The following PCDHA7 variants were observed in gnomAD, a reference collection of about 807,000 sequenced individuals.
The protein encoded by PCDHA7 is protocadherin alpha 7, also known as protocadherin alpha-7.
In PCDHA7, 37 loss-of-function variants were observed where a neutral mutation model predicts 57.2. The ratio of observed to expected loss-of-function variants is 0.65; its 90% confidence interval spans 0.50 to 0.85. The LOEUF is 0.85. Ranked by LOEUF, PCDHA7 falls within the 40% of genes least tolerant of loss-of-function variation. The pLI is 0.00. For missense variants in PCDHA7, 1,188 were observed against 1,241.8 expected, an observed-to-expected ratio of 0.96 and a Z score of 0.65; for synonymous variants, 553 against 558.8, an observed-to-expected ratio of 0.99 and a Z score of 0.15.
intron 1 of PCDHA7, chr5:140,870,093 A>G (rs1554163808): frequency 6.8e-6 from 11 of 1,613,930 alleles, no homozygotes; most frequent in Non-Finnish European, 9.3e-6. Context: ...CCCCAATGGC[A>G]GGTCACTGTA....
At chr5:140,966,395 T>A in intron 1 of PCDHA7, 1 of 404,602 alleles carries the variant, frequency 2.5e-6, no homozygotes, top group Non-Finnish European at 4.3e-6. Flanking sequence ...GTCCGCCACT[T>A]CGGCGCGGAA....
At chr5:140,980,849 C>A (rs2096908252) in intron 2 of PCDHA7, among the ~76,000 whole-genome samples, 1 of 152,068 alleles carries the variant, frequency 6.6e-6, no homozygotes, top group Admixed American at 6.6e-5. Context: ...TAATACTAAT[C>A]TTTTTCGTAT....
intron 1 of PCDHA7, among the ~76,000 whole-genome samples, chr5:140,846,400 A>T (rs1581110513): frequency 9.9e-6 from 1 of 101,082 alleles, no homozygotes; most frequent in Non-Finnish European, 1.8e-5. Flanking sequence ...TTTGAGACGG[A>T]GTCTCGCTCT....
intron 1 of PCDHA7, chr5:140,870,454 G>A (rs782508076): frequency 6.2e-7 from 1 of 1,614,236 alleles, no homozygotes; most frequent in African/African-American, 1.3e-5. Flanking sequence ...GAACGACAAT[G>A]CGCCTGCGTT....
At chr5:140,842,366 G>C in intron 1 of PCDHA7, 1 of 1,608,006 alleles carries the variant, frequency 6.2e-7, no homozygotes, top group Non-Finnish European at 8.5e-7. Flanking sequence ...TAACGTCCCT[G>C]AGATAGCACT....
chr5:140,852,974 G>T (rs1554146261), intron 1 of PCDHA7: 2 of 368,228 alleles, frequency 5.4e-6, no homozygotes, highest in East Asian at 1.6e-4. Context: ...CCCCTCCCGT[G>T]TTCACGCCAT....
intron 3 of PCDHA7, among the ~76,000 whole-genome samples, chr5:140,992,004 G>A (rs1165725360): frequency 2.0e-5 from 3 of 147,598 alleles, no homozygotes; most frequent in Non-Finnish European, 3.0e-5. Context: ...TTCATGTTCA[G>A]GCAGAGGTGG....
intron 1 of PCDHA7, chr5:140,849,696 T>C (rs2150445431): frequency 6.3e-7 from 1 of 1,598,686 alleles, no homozygotes; most frequent in South Asian, 1.1e-5. Context: ...GGTGTCCACC[T>C]ACAAGAATTA....
At chr5:140,919,610 T>G (rs1173177727) in intron 1 of PCDHA7, among the ~76,000 whole-genome samples, 1 of 152,216 alleles carries the variant, frequency 6.6e-6, no homozygotes, top group Non-Finnish European at 1.5e-5. Flanking sequence ...AATTTTAAAC[T>G]GTATCTTTTG....
chr5:140,863,538 T>C (rs187152479), intron 1 of PCDHA7: 1 of 386,422 alleles, frequency 2.6e-6, no homozygotes, highest in Non-Finnish European at 5.0e-6. Flanking sequence ...ATTTTGGAGA[T>C]GGACTTCAAT....
chr5:140,863,384 C>A (rs563178599), intron 1 of PCDHA7: 2 of 1,044,912 alleles, frequency 1.9e-6, no homozygotes, highest in South Asian at 1.2e-5. Flanking sequence ...ACCGAGAGCT[C>A]GTGCATGCCG....
intron 1 of PCDHA7, among the ~76,000 whole-genome samples, chr5:140,961,451 T>C (rs1307588711): frequency 1.3e-5 from 2 of 152,238 alleles, no homozygotes; most frequent in Non-Finnish European, 2.9e-5. Context: ...TACACTGTCT[T>C]GCAGCTGCCT....
intron 1 of PCDHA7, chr5:140,857,965 T>C: frequency 6.3e-7 from 1 of 1,597,084 alleles, no homozygotes; most frequent in Non-Finnish European, 8.6e-7. Context: ...TGGATGAGAC[T>C]GACTCGCCAC....
At position 140,960,518 on chromosome 5, in the gene PCDHA7, G is replaced by A. The variant is rs555475003; in HGVS notation, c.2356-18431G>A. Among the ~76,000 whole-genome samples the A allele has an allele frequency of 2.6e-5, 4 of 152,176 alleles. No homozygotes were observed. The East Asian group carries it at 7.7e-4, about 29-fold the overall frequency. ...TTTGTTCCAAGCAGCAAACATAATG[G>A]GTATAGGAAAGAGAAACTGTGGCCT... On this transcript the variant is annotated intron_variant, in intron 1 of 3. Coordinates refer to ENST00000525929, the MANE Select transcript of PCDHA7 (RefSeq NM_018910.3).
chr5:140,893,530 A>G (rs2064036357), intron 1 of PCDHA7, among the ~76,000 whole-genome samples: 1 of 152,056 alleles, frequency 6.6e-6, no homozygotes, highest in South Asian at 2.1e-4. Context: ...TCCTTTAAGT[A>G]TTTCTTGTAG....
At chr5:140,946,474 A>G (rs2093947876) in intron 1 of PCDHA7, among the ~76,000 whole-genome samples, 1 of 151,798 alleles carries the variant, frequency 6.6e-6, no homozygotes, top group Non-Finnish European at 1.5e-5. Context: ...ACTACTGGGT[A>G]TATATCCAAA....
intron 1 of PCDHA7, among the ~76,000 whole-genome samples, chr5:140,939,059 T>C (rs2092309221): frequency 6.6e-6 from 1 of 152,234 alleles, no homozygotes; most frequent in Non-Finnish European, 1.5e-5. Flanking sequence ...TTTGGGCTGC[T>C]ATATCAAAAT....
chr5:140,866,385 A>G (rs1211864168), intron 1 of PCDHA7: 3 of 152,140 alleles, frequency 2.0e-5, no homozygotes, highest in Non-Finnish European at 2.9e-5. Flanking sequence ...ACAATTTTAA[A>G]GACATAGATT....
Position 140,901,601 on chromosome 5 carries a change from A to T in PCDHA7, c.2355+64863A>T, listed in dbSNP as rs1448240708. Among the ~76,000 whole-genome samples, 3 of 152,078 alleles carry T rather than the reference A, an allele frequency of 2.0e-5. 1 individual carries two copies. The highest frequency in any genetic ancestry group is 1.3e-4 in the Admixed American group (2 of 15,264). On this transcript the variant is annotated intron_variant, in intron 1 of 3. Transcript: ENST00000525929. Reference sequence around the variant, plus strand: ...AGTGCCATGATGTTTTGGTTACTATATCTCTATGGTATAATTTGAAGTCAG... The same window carrying T: ...AGTGCCATGATGTTTTGGTTACTATTTCTCTATGGTATAATTTGAAGTCAG...
Sources: allele counts gnomAD v4.1 joint callset (sites outside exome capture counted in the v4.1 genomes callset), GRCh38; gene constraint gnomAD v4.1.1; transcripts MANE v1.5; gene names NCBI Gene and HGNC (gene_info 2026-07-23, HGNC 2026-07-21).